The following DNAI7 variants were observed in gnomAD, a reference collection of about 807,000 sequenced individuals.
The protein encoded by DNAI7 is dynein axonemal intermediate chain 7.
A neutral mutation model predicts 86.6 loss-of-function variants in DNAI7; 78 were observed. The ratio of observed to expected loss-of-function variants is 0.90; its 90% CI spans 0.75 to 1.09. The LOEUF (loss-of-function observed/expected upper bound fraction) is 1.09, where lower values mean the gene tolerates loss of function less well. Among genes scored for constraint, DNAI7 ranks in the 50% least tolerant of loss-of-function variants. The probability of loss-of-function intolerance (pLI) is 0.00; values close to 1 mark genes in which losing one functional copy is unlikely to be tolerated. For synonymous variants in DNAI7, 274 were observed against 273.0 expected (o/e 1.00, Z -0.04); for missense variants, 753 against 810.2 (o/e 0.93, Z 0.86).
rs1949470105 is a variant in DNAI7 at position 25,108,782 on chromosome 12, A to G, written c.1935T>C (p.Asn645=). ...HLTEACTENP[N]WALLMFSGDR... ...CACCACTAAACATTAAAAGGGCCCA[A>G]TTAGGATTCTCAGTACATGCTTCAG... The change falls in exon 16 of 16, where the codon AAT becomes AAC. Residue 645 remains asparagine, a synonymous_variant. Coordinates refer to ENST00000395987, the MANE Select transcript of DNAI7 (RefSeq NM_018272.5). 7.7e-7 allele frequency: 1 copy of G among 1,299,292 alleles called. No homozygotes were observed. The highest frequency in any genetic ancestry group is 1.5e-5 in the African/African-American group (1 of 65,416). 80.5% of individuals were successfully genotyped at this position (1,299,292 alleles called of 1,614,324 possible).
intron 9 of DNAI7, among the ~76,000 whole-genome samples, chr12:25,124,251 A>G (rs1031183304): frequency 7.9e-5 from 12 of 151,836 alleles, no homozygotes; most frequent in Admixed American, 6.6e-5. Context: ...CCCATCTCTC[A>G]TCACCATATT....
intron 2 of DNAI7, among the ~76,000 whole-genome samples, chr12:25,184,491 T>G (rs1949847071): frequency 6.6e-6 from 1 of 152,226 alleles, no homozygotes; most frequent in Non-Finnish European, 1.5e-5. Context: ...AATGCATAGA[T>G]ATACCAAATT....
chr12:25,169,847 C>CAAAAAAAAAA (rs1173396136), intron 2 of DNAI7, among the ~76,000 whole-genome samples: 1 of 66,698 alleles, frequency 1.5e-5, no homozygotes, highest in African/African-American at 3.9e-5. Flanking sequence ...GACTCTGTCT[C>CAAAAAAAAAA]AAAAAAAAAA....
At chr12:25,183,611 T>C (rs1169706112) in intron 2 of DNAI7, among the ~76,000 whole-genome samples, 1 of 152,000 alleles carries the variant, frequency 6.6e-6, no homozygotes, top group Non-Finnish European at 1.5e-5. Flanking sequence ...TTTTTTAATT[T>C]TTTACTTTTT....
chr12:25,140,707 A>AG (rs1191800021), intron 9 of DNAI7, among the ~76,000 whole-genome samples: 1 of 151,794 alleles, frequency 6.6e-6, no homozygotes, highest in Non-Finnish European at 1.5e-5. Flanking sequence ...ACTAGAAAAA[A>AG]AAATCCTAAA....
intron 2 of DNAI7, among the ~76,000 whole-genome samples, chr12:25,164,424 CCTT>C (rs2141065023): frequency 1.3e-5 from 2 of 152,196 alleles, no homozygotes; most frequent in East Asian, 3.9e-4. Context: ...CCCTCCATTC[CCTT>C]CTTCTCCCTT....
At chr12:25,121,606 T>C (rs1941300082) in intron 11 of DNAI7, 147 bp downstream of exon 11, 2 of 579,296 alleles carry the variant, frequency 3.5e-6, no homozygotes, top group Non-Finnish European at 2.9e-6. Context: ...AAATTTTCAA[T>C]ACCAATACAT....
At position 25,144,254 on chromosome 12, in the gene DNAI7, G is replaced by A. The variant is rs969449768; in HGVS notation, c.1002+111C>T. The stretch of plus-strand genomic sequence containing the variant: ...AAAATTGAGGCACTGGCAAGAAAGT[G>A]GCTCCCAGACAATTTCCAGTTGTTT... On this transcript the variant is annotated intron_variant, in intron 9 of 15. Coordinates refer to ENST00000395987, the MANE Select transcript of DNAI7 (RefSeq NM_018272.5). The A allele has an allele frequency of 9.3e-6, 8 of 864,692 alleles. No individual in the cohort carries two copies. The Admixed American group carries it at 1.2e-4, about 13-fold the overall frequency. The allele number at this position is 864,692 out of a possible 1,614,324, so 53.6% of individuals were successfully genotyped here.
rs1156985329 is a variant in DNAI7 at position 25,144,667 on chromosome 12, C to T, written c.700G>A (p.Val234Ile). 2.5e-6 allele frequency: 4 copies of T among 1,608,868 alleles called. No homozygotes were observed. Among genetic ancestry groups the T allele is most frequent in the Non-Finnish European group, 3.4e-6 (4 of 1,177,474 alleles). Residue 234 changes from valine to isoleucine, a missense_variant, in exon 9 of 16, where the codon GTT becomes ATT. Transcript: ENST00000395987. ...NLKKNPRHRS[V>I]RFSETQIGFE... ...CCAATTTGTGTTTCAGAGAATCTAACACTTCTGTGCCTGTTAATAATTAAT... is the reference window on the plus strand; with the variant it reads ...CCAATTTGTGTTTCAGAGAATCTAATACTTCTGTGCCTGTTAATAATTAAT...
intron 13 of DNAI7, among the ~76,000 whole-genome samples, chr12:25,112,637 A>G (rs1051021630): frequency 6.6e-6 from 1 of 151,824 alleles, no homozygotes; most frequent in East Asian, 1.9e-4. Flanking sequence ...CGATCTCCTG[A>G]CCTTGTGATC....
chr12:25,123,437 C>G (rs1048584441), intron 9 of DNAI7, 151 bp from the exon 10 acceptor site: 3 of 460,010 alleles, frequency 6.5e-6, no homozygotes, highest in African/African-American at 6.1e-5. Flanking sequence ...TAAAACTGGA[C>G]TCAAAAGCAA....
At chr12:25,115,400 A>G (rs1027821053) in intron 12 of DNAI7, among the ~76,000 whole-genome samples, 5 of 152,164 alleles carry the variant, frequency 3.3e-5, no homozygotes, top group African/African-American at 9.7e-5. Context: ...ATGTCCATTT[A>G]CAGTTAATTC....
intron 2 of DNAI7, among the ~76,000 whole-genome samples, chr12:25,181,137 C>T (rs1949465697): frequency 6.6e-6 from 1 of 151,966 alleles, no homozygotes; most frequent in East Asian, 1.9e-4. Context: ...CAGAGTCTCG[C>T]TTTGTCATTC....
In DNAI7 at chr12:25,123,208, T is replaced by A. The variant is rs767622021; in HGVS notation, c.1078+3A>T. On this transcript the variant is annotated splice_donor_region_variant and intron_variant, in intron 10 of 15. Coordinates refer to ENST00000395987, the MANE Select transcript of DNAI7 (RefSeq NM_018272.5). Reference sequence around the variant, plus strand: ...TAAATTCTTAAAATGTAATTTAGAATACCTGCTGAAACAGTTTCACTTAAT... The same window carrying A: ...TAAATTCTTAAAATGTAATTTAGAAAACCTGCTGAAACAGTTTCACTTAAT... 23 of 1,556,930 alleles carry A rather than the reference T, an allele frequency of 1.5e-5. No homozygotes were observed. The highest frequency in any genetic ancestry group is 6.2e-6 in the Non-Finnish European group (7 of 1,137,880).
chr12:25,108,715 A>G lies in DNAI7; in HGVS notation c.2002T>C (p.Phe668Leu). The G allele has an allele frequency of 1.9e-6, 3 of 1,611,750 alleles. No individual in the cohort carries two copies. The highest frequency in any genetic ancestry group is 2.5e-6 in the Non-Finnish European group (3 of 1,179,386). ...GTTTCTTCTTTAAGTGCTTCAGAAA[A>G]TGCCTCACTCTCTTCCTTGATCTTC... ...RLKIKEESEA[F>L]SEALKEETEF... Residue 668 changes from phenylalanine (F) to leucine (L), a missense_variant, in exon 16 of 16, where the codon TTT (phenylalanine) becomes CTT (leucine). Physicochemically the swap from Phe to Leu is conservative, Grantham distance 22. Coordinates refer to ENST00000395987, the MANE Select transcript of DNAI7 (RefSeq NM_018272.5).
At chr12:25,172,396 G>A (rs765877401) in intron 2 of DNAI7, among the ~76,000 whole-genome samples, 12 of 152,070 alleles carry the variant, frequency 7.9e-5, no homozygotes, top group Admixed American at 3.3e-4. Context: ...ACCTAACCAA[G>A]GAGGTGACAG....
At chr12:25,115,105 T>C (rs1293118286) in intron 12 of DNAI7, among the ~76,000 whole-genome samples, 3 of 152,200 alleles carry the variant, frequency 2.0e-5, no homozygotes, top group Admixed American at 2.0e-4. Flanking sequence ...CTTGGCTCCA[T>C]CCCTTGCCAC....
At chr12:25,107,790 C>G (rs377302512), downstream of DNAI7, 8 of 1,595,884 alleles carry the variant, frequency 5.0e-6, no homozygotes, top group African/African-American at 1.1e-4. Flanking sequence ...TACCGATTAC[C>G]AAATTCTATT....
rs551948003 is a variant in DNAI7 at position 25,154,434 on chromosome 12, T to A, written c.323A>T (p.Asp108Val). 4.3e-6 allele frequency: 7 copies of A among 1,609,892 alleles called. No homozygotes were observed. In the African/African-American group the frequency reaches 8.0e-5, roughly 18 times the overall value. ...LSQWKHYIQC[D>V]GSPDPSVAQE... is the part of the protein sequence containing the mutation. ...GGCTACTGAAGGATCAGGACTCCCA[T>A]CACATTGAATGTAGTGCTTCCACTG... The change falls in exon 6 of 16, where the codon GAT (aspartate) becomes GTT (valine). Residue 108 changes from aspartate (D) to valine (V), a missense_variant. Asp to Val is a radical substitution (Grantham distance 152). Coordinates refer to ENST00000395987, the MANE Select transcript of DNAI7 (RefSeq NM_018272.5).
Sources: gnomAD v4.1 joint callset for allele counts (sites outside exome capture counted in the v4.1 genomes callset) on GRCh38, gnomAD v4.1.1 for gene constraint, MANE v1.5 for transcripts, NCBI Gene and HGNC (gene_info 2026-07-23, HGNC 2026-07-21) for gene names.